The following SPSB1 variants were observed in gnomAD, a reference collection of about 807,000 sequenced individuals.
The protein encoded by SPSB1 is SPRY domain-containing SOCS box protein 1.
A neutral mutation model predicts 21.2 loss-of-function variants in SPSB1; 8 were observed. The observed-to-expected ratio is 0.38, with a 90% CI of 0.22 to 0.68. The LOEUF (loss-of-function observed/expected upper bound fraction) is 0.68, where lower values mean the gene tolerates loss of function less well. SPSB1 is among the 30% of genes least tolerant of loss of function. The pLI is 0.53. For synonymous variants in SPSB1, 169 were observed against 161.7 expected (o/e 1.05, Z -0.34); for missense variants, 242 against 377.8 (o/e 0.64, Z 2.98).
chr1:9,351,064 T>C (rs1357130062), intron 1 of SPSB1, among the ~76,000 whole-genome samples: 2 of 152,248 alleles, frequency 1.3e-5, no homozygotes, highest in South Asian at 2.1e-4. Flanking sequence ...GTGATGATGG[T>C]ATTAGCAGTT....
chr1:9,364,640 A>G (rs765657760), intron 2 of SPSB1, among the ~76,000 whole-genome samples: 1 of 152,180 alleles, frequency 6.6e-6, no homozygotes, highest in Non-Finnish European at 1.5e-5. Context: ...TTCGTCTCCA[A>G]TCAGAGCTCC....
intron 1 of SPSB1, among the ~76,000 whole-genome samples, chr1:9,298,268 A>T (rs1462537580): frequency 2.0e-5 from 3 of 152,248 alleles, no homozygotes; most frequent in African/African-American, 7.2e-5. Flanking sequence ...AAATGAAAAA[A>T]AGTCTAACTT....
At chr1:9,331,312 G>C (rs1639913096) in intron 1 of SPSB1, among the ~76,000 whole-genome samples, 2 of 146,546 alleles carry the variant, frequency 1.4e-5, no homozygotes, top group African/African-American at 2.5e-5. Flanking sequence ...TTCTGCTACT[G>C]GTGCTCTTGT....
chr1:9,355,535 G>A (rs564567814), intron 1 of SPSB1, among the ~76,000 whole-genome samples: 9 of 152,366 alleles, frequency 5.9e-5, no homozygotes, highest in East Asian at 3.9e-4. Flanking sequence ...TCGGCCGCGT[G>A]GACAGACAGA....
chr1:9,294,416 A>C (rs1639176410), intron 1 of SPSB1: 1 of 152,116 alleles, frequency 6.6e-6, no homozygotes, highest in Non-Finnish European at 1.5e-5. Context: ...GTTCCTAGGT[A>C]CTGCTCCTCA....
intron 1 of SPSB1, among the ~76,000 whole-genome samples, chr1:9,332,456 G>A (rs901889749): frequency 1.3e-5 from 2 of 152,196 alleles, no homozygotes; most frequent in African/African-American, 4.8e-5. Flanking sequence ...GCATTGTAGA[G>A]GCCAGGAGGG....
rs149355700 is a variant in SPSB1 at position 9,310,933 on chromosome 1, A to G, written c.-150+17862A>G. On this transcript the variant is annotated intron_variant, in intron 1 of 2. Transcript: ENST00000328089. Reference sequence around the variant, plus strand: ...TCCGTAATATATAAATTATACGTACATGTCAGGGTTCTTCTAAAAACACTT... The same window carrying G: ...TCCGTAATATATAAATTATACGTACGTGTCAGGGTTCTTCTAAAAACACTT... Among the ~76,000 whole-genome samples the G allele has an allele frequency of 2.0e-3, 303 of 152,320 alleles. 1 individual carries two copies. Among genetic ancestry groups the G allele is most frequent in the Middle Eastern group, 6.8e-3 (2 of 294 alleles).
chr1:9,294,248 TTG>T (rs531172649), intron 1 of SPSB1, among the ~76,000 whole-genome samples: 3 of 144,380 alleles, frequency 2.1e-5, no homozygotes, highest in Non-Finnish European at 4.6e-5. Context: ...TTGTGTCTCT[TTG>T]TGTGTCCACA....
intron 1 of SPSB1, among the ~76,000 whole-genome samples, chr1:9,330,734 C>A (rs1245433496): frequency 6.6e-6 from 1 of 150,716 alleles, no homozygotes; most frequent in Middle Eastern, 3.2e-3. Flanking sequence ...GTAAAACATA[C>A]AAAAACCTAA....
intron 1 of SPSB1, among the ~76,000 whole-genome samples, chr1:9,312,880 G>A (rs889871772): frequency 1.3e-5 from 2 of 152,204 alleles, no homozygotes; most frequent in Non-Finnish European, 2.9e-5. Flanking sequence ...GCCAGAGGCA[G>A]TGCGTGCCGA....
intron 1 of SPSB1, among the ~76,000 whole-genome samples, chr1:9,330,669 C>CA (rs907060417): frequency 2.0e-5 from 3 of 151,100 alleles, no homozygotes; most frequent in Non-Finnish European, 2.9e-5. Flanking sequence ...TCTCCCTTCC[C>CA]AAACTGATGT....
In SPSB1 at chr1:9,311,382, G is replaced by C. The variant is rs190076720; in HGVS notation, c.-150+18311G>C. ...GTTTTGCTTTGCTGTCTGCATTTAT[G>C]GAGATTTTTATAATGGAAAATTTCA... On this transcript the variant is annotated intron_variant, in intron 1 of 2. Transcript: ENST00000328089. 5.9e-5 allele frequency among the ~76,000 whole-genome samples: 9 copies of C among 152,174 alleles called. No homozygotes were observed. The East Asian group carries it at 1.7e-3, about 29-fold the overall frequency.
chr1:9,316,194 G>C (rs1002649665), intron 1 of SPSB1, among the ~76,000 whole-genome samples: 5 of 152,192 alleles, frequency 3.3e-5, no homozygotes, highest in Non-Finnish European at 5.9e-5. Context: ...AAGGTGCCAG[G>C]TCAGACAGCC....
rs987374382 is a variant in SPSB1 at position 9,346,472 on chromosome 1, G to T, written c.-149-9271G>T. ...GCTTTGGCTACATCCCCAAAAGAGG[G>T]TGTAGCCGTTCCTTCAACAGACCTC... is the stretch of plus-strand genomic sequence containing the variant. On this transcript the variant is annotated intron_variant, in intron 1 of 2. Transcript: ENST00000328089. This position sits in a 1 kb window ranked among gnomAD's most constrained non-coding sequence, Gnocchi z 4.4. Among the ~76,000 whole-genome samples the T allele has an allele frequency of 9.2e-5, 14 of 152,202 alleles. No individual in the cohort carries two copies. The highest frequency in any genetic ancestry group is 4.6e-4 in the Admixed American group (7 of 15,282).
chr1:9,299,963 CA>C (rs549304734), intron 1 of SPSB1, among the ~76,000 whole-genome samples: 3,220 of 88,350 alleles, frequency 0.036, 34 homozygotes, highest in African/African-American at 0.066. Context: ...GACCCTGTCT[CA>C]AAAAAAAAAA....
At chr1:9,329,876 C>T (rs1411820306) in intron 1 of SPSB1, among the ~76,000 whole-genome samples, 1 of 152,072 alleles carries the variant, frequency 6.6e-6, no homozygotes, top group East Asian at 1.9e-4. Flanking sequence ...GACATTTCTT[C>T]TCAAAACTTG....
chr1:9,366,048 G>T (rs1462063947), intron 2 of SPSB1, among the ~76,000 whole-genome samples: 1 of 152,228 alleles, frequency 6.6e-6, no homozygotes, highest in East Asian at 1.9e-4. Flanking sequence ...GAAGCTGACG[G>T]CTCATCTGAG....
At position 9,325,230 on chromosome 1, in the gene SPSB1, C is replaced by CG. The variant is rs953997799; in HGVS notation, c.-149-30513_-149-30512insG. 1.2e-4 allele frequency among the ~76,000 whole-genome samples: 17 copies of CG among 142,604 alleles called. 1 individual carries two copies. The highest frequency in any genetic ancestry group is 4.4e-4 in the African/African-American group (16 of 36,356). The allele number at this position is 142,604 out of a possible 152,430, so 93.6% of individuals were successfully genotyped here. On this transcript the variant is annotated intron_variant, in intron 1 of 2. Transcript: ENST00000328089. ...AGCCAATGCCTCCCACCACCACCCC[C>CG]CCCCCCCGCCCCGCCTCCACCGGTG...
intron 1 of SPSB1, among the ~76,000 whole-genome samples, chr1:9,349,577 C>T (rs1190227285): frequency 6.6e-6 from 1 of 152,244 alleles, no homozygotes; most frequent in East Asian, 1.9e-4. Flanking sequence ...GGTGGGTGGA[C>T]GGCTTGCCTG....
Sources: allele counts gnomAD v4.1 joint callset (sites outside exome capture counted in the v4.1 genomes callset), GRCh38; gene constraint gnomAD v4.1.1; non-coding constraint Gnocchi (gnomAD v3.1); transcripts MANE v1.5; gene names NCBI Gene and HGNC (gene_info 2026-07-23, HGNC 2026-07-21).